Variants in CACNB4 observed in about 807,000 individuals in gnomAD.
CACNB4 encodes the protein calcium voltage-gated channel auxiliary subunit beta 4, also known as voltage-dependent L-type calcium channel subunit beta-4.
In CACNB4, 32 loss-of-function variants were observed where a neutral mutation model predicts 71.2. The ratio of observed to expected loss-of-function variants is 0.45; its 90% confidence interval spans 0.34 to 0.60. CACNB4 has a LOEUF of 0.60. Ranked by LOEUF, CACNB4 falls within the 20% of genes least tolerant of loss-of-function variation. The pLI is 0.01. For missense variants in CACNB4, 464 were observed against 647.9 expected, an observed-to-expected ratio of 0.72 and a Z score of 3.08; for synonymous variants, 231 against 236.9, an observed-to-expected ratio of 0.97 and a Z score of 0.23.
intron 2 of CACNB4, among the ~76,000 whole-genome samples, chr2:151,946,405 G>A (rs1227581104): frequency 6.6e-6 from 1 of 151,682 alleles, no homozygotes; most frequent in African/African-American, 2.4e-5. Context: ...GTGTTTCCCA[G>A]GACACAGGAC....
intron 2 of CACNB4, among the ~76,000 whole-genome samples, chr2:152,067,732 T>C (rs1482063269): frequency 1.3e-5 from 2 of 152,154 alleles, no homozygotes; most frequent in Non-Finnish European, 2.9e-5. Flanking sequence ...GTAAGTAGGA[T>C]AGCAATCATC....
intron 2 of CACNB4, among the ~76,000 whole-genome samples, chr2:151,957,556 A>G (rs2099868639): frequency 6.6e-6 from 1 of 152,212 alleles, no homozygotes. Context: ...AGAAGCTAAA[A>G]GAACAGGGAA....
At chr2:151,938,359 GA>G (rs2099863447) in intron 2 of CACNB4, among the ~76,000 whole-genome samples, 1 of 152,198 alleles carries the variant, frequency 6.6e-6, no homozygotes, top group Non-Finnish European at 1.5e-5. Flanking sequence ...AGAACATTGT[GA>G]AATCTTGGAC....
At chr2:151,907,908 G>T (rs1052793501) in intron 2 of CACNB4, among the ~76,000 whole-genome samples, 1 of 152,186 alleles carries the variant, frequency 6.6e-6, no homozygotes, top group East Asian at 1.9e-4. Flanking sequence ...AACTGAGGTA[G>T]AGTAGAGATC....
intron 10 of CACNB4, chr2:151,859,312 G>A (rs1237239511): frequency 6.6e-6 from 1 of 152,224 alleles, no homozygotes; most frequent in Admixed American, 6.5e-5. Flanking sequence ...TACACATGAA[G>A]CCCTTGGCAG....
rs557588996 is a variant in CACNB4, at chr2:151,941,141, T to C, written c.148-57771A>G. Among the ~76,000 whole-genome samples the C allele has an allele frequency of 3.3e-4, 50 of 152,302 alleles. No individual in the cohort carries two copies. The Middle Eastern group carries it at 0.01, about 31-fold the overall frequency. ...GGGTAATTAGTTATTAGTTACTATC[T>C]AGTCACAGCATGCTATGGAGGAACC... is the stretch of plus-strand genomic sequence containing the variant. On this transcript the variant is annotated intron_variant, in intron 2 of 13. Coordinates refer to ENST00000539935, the MANE Select transcript of CACNB4 (RefSeq NM_000726.5).
intron 2 of CACNB4, among the ~76,000 whole-genome samples, chr2:151,889,807 A>T (rs2099850299): frequency 6.6e-6 from 1 of 152,188 alleles, no homozygotes; most frequent in Admixed American, 6.5e-5. Flanking sequence ...CTAGCCTAGC[A>T]GGGTCCAGGC....
chr2:151,950,292 G>A (rs1469311189), intron 2 of CACNB4, among the ~76,000 whole-genome samples: 3 of 152,002 alleles, frequency 2.0e-5, no homozygotes, highest in Non-Finnish European at 4.4e-5. Flanking sequence ...CTTGTTCCAA[G>A]ATGCACAGAG....
At chr2:151,976,240 A>G (rs931856634) in intron 2 of CACNB4, among the ~76,000 whole-genome samples, 5 of 152,236 alleles carry the variant, frequency 3.3e-5, no homozygotes, top group African/African-American at 1.2e-4. Flanking sequence ...TGCTGGACTC[A>G]GAATCATAAA....
intron 2 of CACNB4, among the ~76,000 whole-genome samples, chr2:151,948,841 T>C (rs1444391524): frequency 6.6e-6 from 1 of 152,146 alleles, no homozygotes; most frequent in Non-Finnish European, 1.5e-5. Flanking sequence ...AGCCCTCCAC[T>C]TCTCCAGCTT....
intron 9 of CACNB4, among the ~76,000 whole-genome samples, chr2:151,863,570 C>T (rs1371632295): frequency 6.6e-6 from 1 of 152,110 alleles, no homozygotes; most frequent in Non-Finnish European, 1.5e-5. Context: ...AAGTTGAATT[C>T]CAGTCTCCTT....
In CACNB4 at chr2:152,047,130, G is replaced by A. The variant is rs536363738; in HGVS notation, c.147+51200C>T. 8.7e-4 allele frequency among the ~76,000 whole-genome samples: 133 copies of A among 152,284 alleles called. 1 individual carries two copies. Among genetic ancestry groups the A allele is most frequent in the Non-Finnish European group, 1.0e-3 (71 of 68,024 alleles). ...TGCTAAGCAAGAAGGTAAAAATAGC[G>A]TAACAATAGTCACCCAAGTACATTA... On this transcript the variant is annotated intron_variant, in intron 2 of 13. Transcript: ENST00000539935.
intron 2 of CACNB4, among the ~76,000 whole-genome samples, chr2:151,982,765 G>T (rs2099874949): frequency 6.6e-6 from 1 of 152,136 alleles, no homozygotes; most frequent in Non-Finnish European, 1.5e-5. Context: ...AGAAGCTTCT[G>T]CATTGTTAGA....
intron 2 of CACNB4, among the ~76,000 whole-genome samples, chr2:151,946,675 CCA>C (rs1274910191): frequency 6.6e-6 from 1 of 152,108 alleles, no homozygotes; most frequent in Non-Finnish European, 1.5e-5. Context: ...CCTGAGCACC[CCA>C]GGGCTCCAGC....
chr2:151,935,125 C>G (rs888822472), intron 2 of CACNB4, among the ~76,000 whole-genome samples: 1 of 152,182 alleles, frequency 6.6e-6, no homozygotes, highest in African/African-American at 2.4e-5. Flanking sequence ...TAAGGTAGAA[C>G]TCTTAGAACC....
At position 152,098,487 on chromosome 2, in the gene CACNB4, T is replaced by G. The variant is rs1053914443; in HGVS notation, c.64-74A>C. Reference sequence around the variant, plus strand: ...GCAGAGCGGGGCGACCACCCCCGGCTGGAGTCCGCCTCCGGACCCGCTCCC... The same window carrying G: ...GCAGAGCGGGGCGACCACCCCCGGCGGGAGTCCGCCTCCGGACCCGCTCCC... On this transcript the variant is annotated intron_variant, in intron 1 of 13. Coordinates refer to ENST00000539935, the MANE Select transcript of CACNB4 (RefSeq NM_000726.5). The surrounding 1 kb of genome is among the most constrained non-coding windows in gnomAD (Gnocchi z 5.3). 1 of 1,442,272 alleles carries G rather than the reference T, an allele frequency of 6.9e-7. No individual in the cohort carries two copies. Among genetic ancestry groups the G allele is most frequent in the Admixed American group, 1.7e-5 (1 of 59,634 alleles). 89.3% of individuals were successfully genotyped at this position (1,442,272 alleles called of 1,614,324 possible).
intron 8 of CACNB4, 153 bp from the exon 9 acceptor site, chr2:151,869,388 T>C (rs1417908108): frequency 3.5e-6 from 2 of 576,818 alleles, no homozygotes; most frequent in Non-Finnish European, 6.3e-6. Flanking sequence ...GGAAGGTGTT[T>C]TTCATGCTTA....
intron 2 of CACNB4, among the ~76,000 whole-genome samples, chr2:152,077,424 G>A (rs962182470): frequency 2.6e-5 from 4 of 152,218 alleles, no homozygotes; most frequent in African/African-American, 7.2e-5. Context: ...GTGGTGGCAC[G>A]TGCCTGTAAT....
chr2:152,001,732 A>AG (rs1254576997), intron 2 of CACNB4, among the ~76,000 whole-genome samples: 2 of 151,376 alleles, frequency 1.3e-5, no homozygotes, highest in East Asian at 3.9e-4. Context: ...AAAAAAAAAA[A>AG]AGAGAATGAG....
Sources: gnomAD v4.1 joint callset for allele counts (sites outside exome capture counted in the v4.1 genomes callset) on GRCh38, gnomAD v4.1.1 for gene constraint, Gnocchi (gnomAD v3.1) non-coding constraint, MANE v1.5 for transcripts, NCBI Gene and HGNC (gene_info 2026-07-23, HGNC 2026-07-21) for gene names.